The following C2orf76 variants were observed in gnomAD, a reference collection of about 807,000 sequenced individuals.
C2orf76 encodes the protein chromosome 2 open reading frame 76, also known as UPF0538 protein C2orf76.
C2orf76 carries 23 observed loss-of-function variants against 16.9 expected under a neutral mutation model. The ratio of observed to expected loss-of-function variants is 1.36; its 90% confidence interval spans 0.98 to 1.93. The LOEUF is 1.93. Ranked by LOEUF, C2orf76 falls within the 30% of genes most tolerant of loss-of-function variation. The pLI is 0.00. For missense variants in C2orf76, 152 were observed against 152.6 expected, an observed-to-expected ratio of 1.00 and a Z score of 0.02; for synonymous variants, 48 against 52.3, an observed-to-expected ratio of 0.92 and a Z score of 0.35.
intron 1 of C2orf76, among the ~76,000 whole-genome samples, chr2:119,349,858 G>T (rs1203604837): frequency 6.6e-6 from 1 of 152,166 alleles, no homozygotes; most frequent in African/African-American, 2.4e-5. Flanking sequence ...AAAGAATGCT[G>T]TATGGTCCGT....
the C2orf76 span, among the ~76,000 whole-genome samples, chr2:119,288,079 G>A: frequency 1.3e-5 from 2 of 152,044 alleles, no homozygotes; most frequent in African/African-American, 4.8e-5. Context: ...TGACTTAGAT[G>A]TGGGTCGTGC....
the C2orf76 span, among the ~76,000 whole-genome samples, chr2:119,290,444 G>A: frequency 4.6e-5 from 7 of 151,894 alleles, no homozygotes; most frequent in African/African-American, 1.7e-4. Context: ...TAAATAGAGT[G>A]GTATAAAAGA....
At chr2:119,283,987 C>T in the C2orf76 span, among the ~76,000 whole-genome samples, 1 of 152,186 alleles carries the variant, frequency 6.6e-6, no homozygotes, top group East Asian at 1.9e-4. Flanking sequence ...GGGAGCACAG[C>T]CAAGGCGTCC....
intron 2 of C2orf76, among the ~76,000 whole-genome samples, chr2:119,325,817 G>T (rs960478703): frequency 2.0e-5 from 3 of 151,740 alleles, no homozygotes; most frequent in Non-Finnish European, 2.9e-5. Context: ...AAAGACTAAT[G>T]ATGAGTATTA....
the C2orf76 span, among the ~76,000 whole-genome samples, chr2:119,290,910 C>T: frequency 6.6e-6 from 1 of 152,102 alleles, no homozygotes; most frequent in East Asian, 1.9e-4. Context: ...CAACATGCCA[C>T]CCCATCTACA....
chr2:119,303,519 A>G (rs919653944), intron 5 of C2orf76, among the ~76,000 whole-genome samples: 1 of 152,214 alleles, frequency 6.6e-6, no homozygotes, highest in Admixed American at 6.5e-5. Flanking sequence ...TACTCTCTAA[A>G]AACAGACAAG....
chr2:119,317,602 T>C, intron 3 of C2orf76, 99 bp from the exon 4 acceptor site: 1 of 877,494 alleles, frequency 1.1e-6, no homozygotes, highest in Non-Finnish European at 1.8e-6. Context: ...TTGAGAAATG[T>C]AAGTCCTTGT....
At chr2:119,366,012 C>CT (rs943045320) in intron 1 of C2orf76, among the ~76,000 whole-genome samples, 2 of 152,022 alleles carry the variant, frequency 1.3e-5, no homozygotes, top group Non-Finnish European at 2.9e-5. Context: ...CACTTGTTCT[C>CT]TGCTTGGAAT....
rs556939777 is a variant in C2orf76, at chr2:119,343,659, G to A, written c.-12-3688C>T. On this transcript the variant is annotated intron_variant, in intron 1 of 5. Transcript: ENST00000334816. Reference sequence around the variant, plus strand: ...AAAAGCTGTTCCATGTTAGCCGGGCGTGGTGGCACATGCCTGTAGTCCCAG... The same window carrying A: ...AAAAGCTGTTCCATGTTAGCCGGGCATGGTGGCACATGCCTGTAGTCCCAG... Among the ~76,000 whole-genome samples, 11 of 152,276 alleles carry A rather than the reference G, an allele frequency of 7.2e-5. No homozygotes were observed. In the South Asian group the frequency reaches 1.7e-3, roughly 23 times the overall value.
the C2orf76 span, among the ~76,000 whole-genome samples, chr2:119,285,991 G>C: frequency 6.6e-6 from 1 of 152,086 alleles, no homozygotes; most frequent in Non-Finnish European, 1.5e-5. Flanking sequence ...ACTTTGGGAG[G>C]CCAAGGCGGG....
the C2orf76 span, among the ~76,000 whole-genome samples, chr2:119,292,983 C>T: frequency 6.6e-6 from 1 of 152,112 alleles, no homozygotes; most frequent in African/African-American, 2.4e-5. Flanking sequence ...TACAGTGAGC[C>T]GAGATTGTGC....
intron 2 of C2orf76, among the ~76,000 whole-genome samples, chr2:119,336,978 C>G (rs10210107): frequency 0.56 from 85,450 of 151,764 alleles, 24,411 homozygotes; most frequent in African/African-American, 0.62. Flanking sequence ...ATGTTTGACA[C>G]TTAACATGCC....
At chr2:119,305,636 A>G (rs1678752828) in intron 5 of C2orf76, among the ~76,000 whole-genome samples, 1 of 152,194 alleles carries the variant, frequency 6.6e-6, no homozygotes, top group Non-Finnish European at 1.5e-5. Flanking sequence ...TTGACAAAAA[A>G]AAATACAGGA....
intron 5 of C2orf76, among the ~76,000 whole-genome samples, chr2:119,305,020 T>C (rs1678732322): frequency 6.6e-6 from 1 of 152,356 alleles, no homozygotes; most frequent in Non-Finnish European, 1.5e-5. Context: ...CCAGGGCACC[T>C]GATTTTAAAT....
intron 1 of C2orf76, among the ~76,000 whole-genome samples, chr2:119,356,031 C>T (rs34634082): frequency 0.2 from 29,647 of 152,032 alleles, 3,080 homozygotes; most frequent in East Asian, 0.22. Flanking sequence ...GAAACAGGAA[C>T]CTACCAGGAA....
the C2orf76 span, among the ~76,000 whole-genome samples, chr2:119,291,819 CAG>C: frequency 5.3e-5 from 8 of 152,058 alleles, no homozygotes; most frequent in Non-Finnish European, 1.2e-4. Context: ...AGCAGTGTAA[CAG>C]AAATTATTCC....
intron 1 of C2orf76, chr2:119,366,585 A>T: frequency 2.2e-6 from 1 of 461,822 alleles, no homozygotes; most frequent in South Asian, 1.6e-5. Context: ...CAGGTCTCAG[A>T]GTTTACTTGT....
chr2:119,317,351 A>C, intron 4 of C2orf76, 115 bp downstream of exon 4: 13 of 646,342 alleles, frequency 2.0e-5, no homozygotes, highest in South Asian at 4.3e-5. Flanking sequence ...ACAAAATAAA[A>C]AGCGCTATTA....
chr2:119,289,970 A>T, the C2orf76 span, among the ~76,000 whole-genome samples: 1 of 151,984 alleles, frequency 6.6e-6, no homozygotes, highest in Non-Finnish European at 1.5e-5. Context: ...AAAATAACCT[A>T]GAAACAAACA....
Sources: allele counts gnomAD v4.1 joint callset (sites outside exome capture counted in the v4.1 genomes callset), GRCh38; gene constraint gnomAD v4.1.1; transcripts MANE v1.5; gene names NCBI Gene and HGNC (gene_info 2026-07-23, HGNC 2026-07-21).